YLPM1: variants seen among roughly 807,000 people sequenced by gnomAD.
YLPM1 encodes the protein YLP motif containing 1.
YLPM1 carries 99 observed loss-of-function variants against 230.0 expected under a neutral mutation model. The ratio of observed to expected loss-of-function variants is 0.43; its 90% CI spans 0.37 to 0.51. The LOEUF is 0.51. Among genes scored for constraint, YLPM1 ranks in the 20% least tolerant of loss-of-function variants. The pLI is 0.00. For missense variants in YLPM1, 2,592 were observed against 2,707.7 expected (o/e 0.96, Z 0.95); for synonymous variants, 984 against 942.5 (o/e 1.04, Z -0.81).
intron 4 of YLPM1, 53 bp from the exon 5 acceptor site, chr14:74,797,527 A>T (rs2091276518): frequency 1.5e-6 from 2 of 1,298,922 alleles, no homozygotes; most frequent in African/African-American, 3.0e-5. Flanking sequence ...TACATGGAGA[A>T]TTTTTTTTTT....
Position 74,812,669 on chromosome 14 carries a change from G to C in YLPM1, c.5389G>C (p.Ala1797Pro). Residue 1797 changes from alanine (A) to proline (P), a missense_variant, in exon 11 of 21, where the codon GCT becomes CCT. Ala to Pro is a conservative substitution (Grantham distance 27). Coordinates refer to ENST00000325680, the MANE Select transcript of YLPM1 (RefSeq NM_019589.3). Reference sequence around the variant, plus strand: ...TCCTGAGGAGCGAATGCCTCTGCCAGCTCCTTCACTGAGCCACCAGCCTCC... The same window carrying C: ...TCCTGAGGAGCGAATGCCTCTGCCACCTCCTTCACTGAGCCACCAGCCTCC... ...TYPEERMPLP[A>P]PSLSHQPPPA... is the part of the protein sequence containing the mutation. 1 of 1,613,610 alleles carries C rather than the reference G, an allele frequency of 6.2e-7. No individual in the cohort carries two copies. Among genetic ancestry groups the C allele is most frequent in the Admixed American group, 1.7e-5 (1 of 59,976 alleles).
Position 74,763,398 on chromosome 14 carries a change from AGTT to A in YLPM1, c.-91_-89del. 4 of 1,367,248 alleles carry A rather than the reference AGTT, an allele frequency of 2.9e-6. No homozygotes were observed. Among genetic ancestry groups the A allele is most frequent in the Non-Finnish European group, 3.8e-6 (4 of 1,050,520 alleles). The allele number at this position is 1,367,248 out of a possible 1,614,324, so 84.7% of individuals were successfully genotyped here. Reference sequence around the variant, plus strand: ...CGCTCCGGGGCCTGTAGGCGCCGCGAGTTCCGGCTGTCGCCGTCGCCGCCGCGG... The same window carrying A: ...CGCTCCGGGGCCTGTAGGCGCCGCGACCGGCTGTCGCCGTCGCCGCCGCGG... On this transcript the variant is annotated 5_prime_UTR_variant, in exon 1 of 21. Transcript: ENST00000325680.
Position 74,797,789 on chromosome 14 carries a change from G to C in YLPM1, c.2492G>C (p.Arg831Pro). 3.7e-6 allele frequency: 6 copies of C among 1,613,854 alleles called. No homozygotes were observed. Among genetic ancestry groups the C allele is most frequent in the Non-Finnish European group, 5.1e-6 (6 of 1,179,874 alleles). Residue 831 changes from arginine (R) to proline (P), a missense_variant, in exon 5 of 21, where the codon CGA becomes CCA. By Grantham distance (103) the Arg-to-Pro change is moderately radical (BLOSUM62 -2). Coordinates refer to ENST00000325680, the MANE Select transcript of YLPM1 (RefSeq NM_019589.3). The stretch of plus-strand genomic sequence containing the variant: ...ACCCCCAGTACATCCCTAAGTCCTC[G>C]ACAGAGTGGACCACAGTGGAAAGGC... ...YITPSTSLSP[R>P]QSGPQWKGPK...
intron 5 of YLPM1, among the ~76,000 whole-genome samples, chr14:74,800,031 A>G (rs2091310225): frequency 6.6e-6 from 1 of 152,124 alleles, no homozygotes; most frequent in South Asian, 2.1e-4. Flanking sequence ...TGTAACCTTC[A>G]TTTTTTCCAG....
chr14:74,811,085 C>T (rs1367396085), intron 9 of YLPM1, among the ~76,000 whole-genome samples: 1 of 152,072 alleles, frequency 6.6e-6, no homozygotes, highest in East Asian at 1.9e-4. Context: ...CCTCGGCCTT[C>T]CGAAGTGCTG....
chr14:74,783,008 A>T (rs144274765), intron 4 of YLPM1, among the ~76,000 whole-genome samples: 1 of 152,176 alleles, frequency 6.6e-6, no homozygotes, highest in African/African-American at 2.4e-5. Context: ...ATTTTTTCCA[A>T]GTTTGTAAAA....
chr14:74,831,455 A>C (rs1162212846), intron 19 of YLPM1, among the ~76,000 whole-genome samples: 1 of 152,228 alleles, frequency 6.6e-6, no homozygotes, highest in African/African-American at 2.4e-5. Context: ...CCTTCCTTGC[A>C]AATAATAAAG....
rs776611829 is a variant in YLPM1, at chr14:74,798,007, G to C, written c.2710G>C (p.Asp904His). 6.2e-7 allele frequency: 1 copy of C among 1,613,596 alleles called. No individual in the cohort carries two copies. Among genetic ancestry groups the C allele is most frequent in the Admixed American group, 1.7e-5 (1 of 59,938 alleles). Residue 904 changes from aspartate to histidine, a missense_variant, in exon 5 of 21, where the codon GAC (aspartate) becomes CAC (histidine). Coordinates refer to ENST00000325680, the MANE Select transcript of YLPM1 (RefSeq NM_019589.3). ...KAAQSNENLS[D>H]SQQEPPKSEV... ...GGCTCAGTCAAATGAGAATCTAAGC[G>C]ACTCTCAACAAGAGCCACCTAAAAG...
intron 11 of YLPM1, among the ~76,000 whole-genome samples, chr14:74,814,970 TTGTC>T (rs1175886903): frequency 6.6e-6 from 1 of 152,232 alleles, no homozygotes; most frequent in Non-Finnish European, 1.5e-5. Flanking sequence ...TTCCAGGAAT[TTGTC>T]TGTTTCACCT....
At chr14:74,829,086 A>G in intron 18 of YLPM1, 127 bp from the exon 19 acceptor site, 1 of 1,067,270 alleles carries the variant, frequency 9.4e-7, no homozygotes, top group Non-Finnish European at 1.3e-6. Flanking sequence ...TGGATCTGCA[A>G]GTGATGCTGC....
At chr14:74,766,602 C>A (rs2090913785) in intron 1 of YLPM1, among the ~76,000 whole-genome samples, 1 of 150,326 alleles carries the variant, frequency 6.7e-6, no homozygotes, top group Non-Finnish European at 1.5e-5. Flanking sequence ...TCCCAAGTAG[C>A]TGGGACTACA....
rs781240072 is a variant in YLPM1 at position 74,782,017 on chromosome 14, G to A, written c.1974G>A (p.Gln658=). 3.7e-6 allele frequency: 6 copies of A among 1,613,798 alleles called. No homozygotes were observed. The African/African-American group carries it at 8.0e-5, about 22-fold the overall frequency. Residue 658 remains glutamine, a synonymous_variant, in exon 4 of 21, where the codon CAG becomes CAA. Transcript: ENST00000325680. ...AAPVPPASSS[Q]SSQVPEKPRP... ...CAGTTCCACCAGCCTCCAGTTCACA[G>A]AGCTCGCAAGTTCCAGAGAAACCTA...
chr14:74,810,399 A>G lies in YLPM1; in HGVS notation c.5207A>G (p.Glu1736Gly). The change falls in exon 9 of 21, where the codon GAA becomes GGA. Residue 1736 changes from glutamate (E) to glycine (G), a missense_variant. By Grantham distance (98) the Glu-to-Gly change is moderately conservative. Coordinates refer to ENST00000325680, the MANE Select transcript of YLPM1 (RefSeq NM_019589.3). ...TATGACCGGGATCGATTTGACAGAGAACGCCGACCCCGAGATGATAGGTAT... is the reference window on the plus strand; with the variant it reads ...TATGACCGGGATCGATTTGACAGAGGACGCCGACCCCGAGATGATAGGTAT... Reference protein sequence around the residue: ...IDYDRDRFDRERRPRDDRAQS... With the variant: ...IDYDRDRFDRGRRPRDDRAQS... 6.2e-7 allele frequency: 1 copy of G among 1,611,980 alleles called. No individual in the cohort carries two copies. Among genetic ancestry groups the G allele is most frequent in the Non-Finnish European group, 8.5e-7 (1 of 1,178,952 alleles).
intron 1 of YLPM1, 134 bp from the exon 2 acceptor site, chr14:74,778,313 C>T: frequency 2.8e-6 from 2 of 719,030 alleles, no homozygotes; most frequent in Non-Finnish European, 4.5e-6. Flanking sequence ...ACTTATTTGT[C>T]TTCCTCAGTC....
chr14:74,780,671 A>G lies in YLPM1; in HGVS notation c.1290+87A>G. On this transcript the variant is annotated intron_variant, in intron 3 of 20. Transcript: ENST00000325680. ...CTTGAAAGATTTAAGTGTAAAAAAC[A>G]AAAGATACCAACTGTTGACAATTAG... The G allele has an allele frequency of 7.4e-6, 11 of 1,492,254 alleles. No homozygotes were observed. The South Asian group carries it at 1.6e-4, about 22-fold the overall frequency. 92.4% of individuals were successfully genotyped at this position (1,492,254 alleles called of 1,614,324 possible). A position where few individuals can be genotyped will look rare whatever the true frequency, so the allele number is the denominator to read the frequency against.
chr14:74,816,318 T>A, intron 12 of YLPM1, 53 bp downstream of exon 12: 1 of 1,548,908 alleles, frequency 6.5e-7, no homozygotes, highest in South Asian at 1.2e-5. Flanking sequence ...GTGTTAGTAG[T>A]CACTTGCCTT....
intron 1 of YLPM1, among the ~76,000 whole-genome samples, chr14:74,770,818 G>A (rs1353276973): frequency 6.6e-6 from 1 of 152,154 alleles, no homozygotes; most frequent in Non-Finnish European, 1.5e-5. Flanking sequence ...TGACAGATTG[G>A]CATTTTTGAA....
At chr14:74,771,827 G>A (rs1235407034) in intron 1 of YLPM1, among the ~76,000 whole-genome samples, 1 of 152,116 alleles carries the variant, frequency 6.6e-6, no homozygotes, top group African/African-American at 2.4e-5. Context: ...GGAAGGAGCT[G>A]GAGGAATAGA....
rs1244249451 is a variant in YLPM1, at chr14:74,797,916, G to A, written c.2619G>A (p.Gln873=). 1.2e-6 allele frequency: 2 copies of A among 1,613,830 alleles called. No homozygotes were observed. Among genetic ancestry groups the A allele is most frequent in the South Asian group, 2.2e-5 (2 of 91,056 alleles). Residue 873 remains glutamine (Q), a synonymous_variant, in exon 5 of 21, where the codon CAG becomes CAA. Coordinates refer to ENST00000325680, the MANE Select transcript of YLPM1 (RefSeq NM_019589.3). ...KEPLADTSSN[Q]QKNFKMQSAA... ...CATTAGCAGACACCAGTAGTAACCA[G>A]CAGAAGAATTTTAAAATGCAATCAG... is the stretch of plus-strand genomic sequence containing the variant.
Sources: gnomAD v4.1 joint callset for allele counts (sites outside exome capture counted in the v4.1 genomes callset) on GRCh38, gnomAD v4.1.1 for gene constraint, MANE v1.5 for transcripts, NCBI Gene and HGNC (gene_info 2026-07-23, HGNC 2026-07-21) for gene names.